Variants in DPYSL3 observed in about 807,000 individuals in gnomAD.
DPYSL3 encodes dihydropyrimidinase like 3, also known as dihydropyrimidinase-related protein 3.
In DPYSL3, 16 loss-of-function variants were observed where a neutral mutation model predicts 66.1. The observed-to-expected ratio is 0.24, with a 90% CI of 0.16 to 0.37. The LOEUF (loss-of-function observed/expected upper bound fraction) is 0.37, where lower values mean the gene tolerates loss of function less well. Ranked by LOEUF, DPYSL3 falls within the 10% of genes least tolerant of loss-of-function variation. The pLI, the probability that DPYSL3 is intolerant of heterozygous loss-of-function variation, is 1.00. For synonymous variants in DPYSL3, 338 were observed against 345.1 expected (o/e 0.98, Z 0.23); for missense variants, 738 against 916.2 (o/e 0.81, Z 2.51).
intron 1 of DPYSL3, among the ~76,000 whole-genome samples, chr5:147,467,402 T>C (rs1753026493): frequency 6.6e-6 from 1 of 152,138 alleles, no homozygotes; most frequent in Non-Finnish European, 1.5e-5. Flanking sequence ...AGAATAGATT[T>C]TGAAGTCCCC....
chr5:147,466,789 T>C (rs1419326338), intron 1 of DPYSL3, among the ~76,000 whole-genome samples: 1 of 152,152 alleles, frequency 6.6e-6, no homozygotes, highest in African/African-American at 2.4e-5. Context: ...TTCCCTCCTG[T>C]TTCCTGTACT....
At chr5:147,473,244 T>A (rs1024261679) in intron 1 of DPYSL3, 2 of 152,200 alleles carry the variant, frequency 1.3e-5, no homozygotes, top group African/African-American at 4.8e-5. Flanking sequence ...GTCTCTGTAT[T>A]TATCCAGCAA....
In DPYSL3 at chr5:147,397,819, C is replaced by T. The variant is rs753892360; in HGVS notation, c.1650G>A (p.Gly550=). Residue 550 remains glycine, a synonymous_variant, in exon 12 of 14, where the codon GGG becomes GGA. Transcript: ENST00000343218. ...QSAAEYNIFE[G]MELRGAPLVV... ...CCAGAGGAGCCCCGCGCAGCTCCAT[C>T]CCTTCAAAGATGTTGTACTCTGCCG... The T allele has an allele frequency of 5.0e-6, 8 of 1,612,968 alleles. No homozygotes were observed. The Admixed American group carries it at 1.2e-4, about 24-fold the overall frequency.
chr5:147,406,805 TA>T (rs140930661), intron 7 of DPYSL3, among the ~76,000 whole-genome samples: 6 of 151,858 alleles, frequency 4.0e-5, no homozygotes, highest in African/African-American at 1.5e-4. Flanking sequence ...GCCCAACACT[TA>T]AAAAAAATAC....
At chr5:147,501,607 T>C (rs1753613723) in intron 1 of DPYSL3, among the ~76,000 whole-genome samples, 1 of 150,052 alleles carries the variant, frequency 6.7e-6, no homozygotes, top group Non-Finnish European at 1.5e-5. Flanking sequence ...ACCTCCCAAG[T>C]AATTGGAATT....
At chr5:147,455,760 T>C (rs1561795164) in intron 1 of DPYSL3, among the ~76,000 whole-genome samples, 2 of 148,896 alleles carry the variant, frequency 1.3e-5, no homozygotes, top group Admixed American at 1.3e-4. Flanking sequence ...TTTACAATCC[T>C]AAAAAAAAAA....
At chr5:147,418,761 T>C (rs1752024291) in intron 2 of DPYSL3, 130 bp from the exon 3 acceptor site, 1 of 784,582 alleles carries the variant, frequency 1.3e-6, no homozygotes, top group African/African-American at 1.7e-5. Flanking sequence ...ACTTTGCAAG[T>C]GACTCACAAG....
chr5:147,413,052 C>T (rs1751889280), intron 5 of DPYSL3, among the ~76,000 whole-genome samples: 1 of 152,190 alleles, frequency 6.6e-6, no homozygotes, highest in African/African-American at 2.4e-5. Context: ...CCACTACAGC[C>T]AGGCCAGAAA....
intron 1 of DPYSL3, among the ~76,000 whole-genome samples, chr5:147,433,771 C>T (rs142635159): frequency 0.034 from 5,178 of 152,266 alleles, 211 homozygotes; most frequent in East Asian, 0.12. Flanking sequence ...CAGTGGCTCA[C>T]GCCTGTAATC....
intron 1 of DPYSL3, among the ~76,000 whole-genome samples, chr5:147,474,546 G>T (rs750380283): frequency 9.9e-5 from 15 of 152,142 alleles, no homozygotes; most frequent in African/African-American, 3.6e-4. Flanking sequence ...GCAGTCTTGT[G>T]CCAGAACTTC....
chr5:147,427,425 G>T (rs1752217509), intron 1 of DPYSL3, among the ~76,000 whole-genome samples: 1 of 152,194 alleles, frequency 6.6e-6, no homozygotes, highest in African/African-American at 2.4e-5. Flanking sequence ...GGACACAGGA[G>T]GTTGTATTAT....
intron 1 of DPYSL3, among the ~76,000 whole-genome samples, chr5:147,470,079 G>T (rs1036778812): frequency 6.6e-6 from 1 of 152,114 alleles, no homozygotes; most frequent in African/African-American, 2.4e-5. Flanking sequence ...AGTTGTAAAG[G>T]CCTGACCCTT....
At chr5:147,408,059 A>G (rs905850854) in intron 7 of DPYSL3, among the ~76,000 whole-genome samples, 3 of 152,168 alleles carry the variant, frequency 2.0e-5, no homozygotes, top group Non-Finnish European at 4.4e-5. Context: ...GAATGACAGG[A>G]CAGAAACAGG....
At chr5:147,425,679 A>G (rs1752181358) in intron 1 of DPYSL3, among the ~76,000 whole-genome samples, 1 of 152,200 alleles carries the variant, frequency 6.6e-6, no homozygotes, top group African/African-American at 2.4e-5. Flanking sequence ...CTTTTTAAAA[A>G]CTATAACTTA....
chr5:147,509,616 G>C lies in DPYSL3; in HGVS notation c.243C>G (p.Ile81Met). ...SDRGSGSRPG[I>M]EGDTPRRGQG... ...GGCCCCTGCGCGGGGTGTCCCCCTCGATCCCGGGCCGACTCCCCGATCCTC... is the reference window on the plus strand; with the variant it reads ...GGCCCCTGCGCGGGGTGTCCCCCTCCATCCCGGGCCGACTCCCCGATCCTC... Residue 81 changes from isoleucine to methionine, a missense_variant, in exon 1 of 14, where the codon ATC becomes ATG. Ile to Met is a conservative substitution (Grantham distance 10). Coordinates refer to ENST00000343218, the MANE Select transcript of DPYSL3 (RefSeq NM_001197294.2). This position sits in a 1 kb window ranked among gnomAD's most constrained non-coding sequence, Gnocchi z 5.3. 1.3e-6 allele frequency: 2 copies of C among 1,535,486 alleles called. No individual in the cohort carries two copies. Among genetic ancestry groups the C allele is most frequent in the South Asian group, 1.2e-5 (1 of 83,990 alleles).
intron 1 of DPYSL3, among the ~76,000 whole-genome samples, chr5:147,434,084 T>C (rs1407080864): frequency 6.6e-6 from 1 of 151,816 alleles, no homozygotes; most frequent in Non-Finnish European, 1.5e-5. Context: ...CTACTGCTCC[T>C]ACCACCTTGC....
intron 1 of DPYSL3, among the ~76,000 whole-genome samples, chr5:147,494,709 C>CAAAAAAAAAA (rs35761170): frequency 6.0e-5 from 5 of 83,422 alleles, no homozygotes; most frequent in Non-Finnish European, 1.2e-4. Context: ...ACGAAAAATA[C>CAAAAAAAAAA]AAAAAAAAAA....
At position 147,438,645 on chromosome 5, in the gene DPYSL3, A is replaced by G. The variant is rs116204072; in HGVS notation, c.382-13682T>C. On this transcript the variant is annotated intron_variant, in intron 1 of 13. Transcript: ENST00000343218. ...CTCTTCCCAATGATCACTATTTAAC[A>G]TTCTATGAGTCTAACAACAGGTGAA... 1.2e-3 allele frequency among the ~76,000 whole-genome samples: 182 copies of G among 152,302 alleles called. 2 individuals are homozygous for G. Among genetic ancestry groups the G allele is most frequent in the African/African-American group, 4.2e-3 (175 of 41,570 alleles).
chr5:147,438,699 T>G (rs1752461410), intron 1 of DPYSL3, among the ~76,000 whole-genome samples: 1 of 152,246 alleles, frequency 6.6e-6, no homozygotes, highest in African/African-American at 2.4e-5. Context: ...GTCTACTCTT[T>G]TGTGATGTGT....
Sources: allele counts gnomAD v4.1 joint callset (sites outside exome capture counted in the v4.1 genomes callset), GRCh38; gene constraint gnomAD v4.1.1; non-coding constraint Gnocchi (gnomAD v3.1); transcripts MANE v1.5; gene names NCBI Gene and HGNC (gene_info 2026-07-23, HGNC 2026-07-21).